Variants in ASMT observed in about 807,000 individuals in gnomAD.
ASMT encodes acetylserotonin N-methyltransferase.
In ASMT, 53 loss-of-function variants were observed where a neutral mutation model predicts 41.3. That is an observed-to-expected ratio of 1.28 (90% CI 1.03 to 1.61). The LOEUF is 1.61. ASMT is among the 40% of genes most tolerant of loss of function. The pLI, the probability that ASMT is intolerant of heterozygous loss-of-function variation, is 0.00. For missense variants in ASMT, 531 were observed against 441.3 expected (o/e 1.20, Z -1.82); for synonymous variants, 231 against 184.8 (o/e 1.25, Z -2.03).
At chrX:1,630,872 T>TTTA (rs1934747692) in intron 5 of ASMT, among the ~76,000 whole-genome samples, 1 of 6,128 alleles carries the variant, frequency 1.6e-4, no homozygotes, top group Non-Finnish European at 1.0e-3. Context: ...CTGAGCTTGT[T>TTTA]TTATTTATTT....
In ASMT at chrX:1,623,207, G is replaced by A; in HGVS notation, c.138G>A (p.Val46=). 3.7e-6 allele frequency: 6 copies of A among 1,613,504 alleles called. No homozygotes were observed. Among genetic ancestry groups the A allele is most frequent in the African/African-American group, 1.3e-5 (1 of 75,028 alleles). Residue 46 remains valine (V), a synonymous_variant, in exon 2 of 9, where the codon GTG becomes GTA. Coordinates refer to ENST00000381241, the MANE Select transcript of ASMT (RefSeq NM_001171038.2). ...CCGAGGCCCCAGGGCCCCTGGACGT[G>A]GCGGCAGTGGCTGCAGGTGTGAGGG... ...LLAEAPGPLD[V]AAVAAGVRAS... is the part of the protein sequence containing the mutation.
chrX:1,616,748 G>C (rs190405979), intron 1 of ASMT, among the ~76,000 whole-genome samples: 2 of 149,796 alleles, frequency 1.3e-5, no homozygotes, highest in Non-Finnish European at 3.0e-5. Flanking sequence ...TCGCTCTGTC[G>C]CCCAGGCTGG....
chrX:1,616,264 A>G (rs1305667567), intron 1 of ASMT, among the ~76,000 whole-genome samples: 10 of 150,204 alleles, frequency 6.7e-5, no homozygotes, highest in Admixed American at 2.6e-4. Context: ...CCTGACCTCA[A>G]GTGATTCACC....
At chrX:1,623,419 AC>A (rs1359822173) in intron 2 of ASMT, 106 bp downstream of exon 2, 59 of 1,401,416 alleles carry the variant, frequency 4.2e-5, no homozygotes, top group East Asian at 1.7e-4. Context: ...ACACAGTGAA[AC>A]CCCGTCTCTA....
In ASMT at chrX:1,634,661, C is replaced by CT. The variant is rs1169472157; in HGVS notation, c.787+1371_787+1372insT. 2.7e-3 allele frequency among the ~76,000 whole-genome samples: 411 copies of CT among 150,588 alleles called. 3 individuals are homozygous for CT. Among genetic ancestry groups the CT allele is most frequent in the Non-Finnish European group, 4.1e-3 (280 of 67,620 alleles). ...ACAGGCCTGCTGAGTTAACCCCCCCCCTTTTTTTTTCTTGTTTTTTTGAGA... is the reference window on the plus strand; with the variant it reads ...ACAGGCCTGCTGAGTTAACCCCCCCCTCTTTTTTTTTCTTGTTTTTTTGAGA... On this transcript the variant is annotated intron_variant, in intron 7 of 8. Coordinates refer to ENST00000381241, the MANE Select transcript of ASMT (RefSeq NM_001171038.2).
At chrX:1,642,739 G>GA (rs1780712361) in intron 8 of ASMT, 64 bp from the exon 9 acceptor site, 1 of 1,495,530 alleles carries the variant, frequency 6.7e-7, no homozygotes, top group Non-Finnish European at 9.3e-7. Context: ...ATGGTTCACT[G>GA]GGACTTTGGC....
intron 8 of ASMT, 199 bp downstream of exon 8, chrX:1,636,759 GA>G (rs1934981450): frequency 6.1e-6 from 2 of 326,370 alleles, no homozygotes; most frequent in Non-Finnish European, 8.8e-6. Context: ...CATAAAGATG[GA>G]AAAAGTGAAA....
chrX:1,633,059 T>A lies in ASMT; in HGVS notation c.647-91T>A, dbSNP rs1934836630. On this transcript the variant is annotated intron_variant, in intron 6 of 8. Transcript: ENST00000381241. ...TGGCGGAAGGACCCAAGTTCCTGGG[T>A]TGGACCCTTCATGAGTCCATGGTGT... 5.3e-6 allele frequency: 8 copies of A among 1,497,490 alleles called. No homozygotes were observed. The East Asian group carries it at 1.6e-4, about 30-fold the overall frequency. The allele number at this position is 1,497,490 out of a possible 1,614,324, so 92.8% of individuals were successfully genotyped here.
intron 4 of ASMT, among the ~76,000 whole-genome samples, chrX:1,628,592 C>T (rs1331308193): frequency 6.6e-6 from 1 of 151,296 alleles, no homozygotes; most frequent in Non-Finnish European, 1.5e-5. Context: ...CCTCTCCTCC[C>T]CTGCTCTCCC....
In ASMT at chrX:1,627,716, C is replaced by A. The variant is rs1406062671; in HGVS notation, c.388C>A (p.Gln130Lys). ...LADAVREGRN[Q>K]YLETFGVPAE... ...CTCTTTTCTTAGAGAAGGAAGGAAC[C>A]AGTACCTGGAGACGTTTGGCGTTCC... The change falls in exon 4 of 9, where the codon CAG becomes AAG. Residue 130 changes from glutamine (Q) to lysine (K), a missense_variant. Physicochemically the swap from Gln to Lys is moderately conservative, Grantham distance 53. Transcript: ENST00000381241. 1 of 1,613,794 alleles carries A rather than the reference C, an allele frequency of 6.2e-7. No individual in the cohort carries two copies. The highest frequency in any genetic ancestry group is 8.5e-7 in the Non-Finnish European group (1 of 1,179,734).
intron 1 of ASMT, among the ~76,000 whole-genome samples, chrX:1,620,463 T>G (rs1934299969): frequency 6.6e-6 from 1 of 151,892 alleles, no homozygotes; most frequent in Non-Finnish European, 1.5e-5. Flanking sequence ...CCACTGCACC[T>G]GGCCTAATAT....
In ASMT at chrX:1,636,567, TG is replaced by T. The variant is rs11346829; in HGVS notation, c.910+8del. ...TACCACACTTGCAAGCCAGGTAAGT[TG>T]TGGGGTTTGCATTTCAGCGTGTGCT... is the stretch of plus-strand genomic sequence containing the variant. On this transcript the variant is annotated splice_region_variant and intron_variant, in intron 8 of 8. Coordinates refer to ENST00000381241, the MANE Select transcript of ASMT (RefSeq NM_001171038.2). 0.13 allele frequency: 210,726 copies of T among 1,613,694 alleles called. 14,561 individuals are homozygous for T. The highest frequency in any genetic ancestry group is 0.21 in the African/African-American group (16,056 of 74,968).
rs373088789 is a variant in ASMT, at chrX:1,615,230, C to T, written c.31C>T (p.Leu11Phe). The part of the protein sequence containing the change: MGSSEDQAYR[L>F]LNDYANGFMV... ...ATCCTCAGAGGACCAGGCCTATCGCCTCCTTAATGACTACGCCAACGGCTT... is the reference window on the plus strand; with the variant it reads ...ATCCTCAGAGGACCAGGCCTATCGCTTCCTTAATGACTACGCCAACGGCTT... Residue 11 changes from leucine to phenylalanine, a missense_variant, in exon 1 of 9, where the codon CTC (leucine) becomes TTC (phenylalanine). Coordinates refer to ENST00000381241, the MANE Select transcript of ASMT (RefSeq NM_001171038.2). 132 of 1,598,880 alleles carry T rather than the reference C, an allele frequency of 8.3e-5. No homozygotes were observed. Among genetic ancestry groups the T allele is most frequent in the Non-Finnish European group, 1.0e-4 (122 of 1,172,932 alleles).
intron 8 of ASMT, among the ~76,000 whole-genome samples, chrX:1,641,419 G>A (rs1313265841): frequency 1.4e-5 from 2 of 146,406 alleles, no homozygotes; most frequent in African/African-American, 5.0e-5. Context: ...GGTCCATGAG[G>A]ATGTGGACAC....
At chrX:1,626,280 G>T (rs1342562113) in intron 3 of ASMT, among the ~76,000 whole-genome samples, 2 of 147,332 alleles carry the variant, frequency 1.4e-5, no homozygotes, top group Non-Finnish European at 3.0e-5. Flanking sequence ...TGTTGCCCAG[G>T]CTGGAGTGCA....
At position 1,637,295 on chromosome X, in the gene ASMT, G is replaced by C. The variant is rs751226481; in HGVS notation, c.910+735G>C. ...CCTGTGAGATCCATCCCTCCTGATG[G>C]TTCATGAGGATGTGGGCACAGCCTC... On this transcript the variant is annotated intron_variant, in intron 8 of 8. Coordinates refer to ENST00000381241, the MANE Select transcript of ASMT (RefSeq NM_001171038.2). 2.5e-3 allele frequency among the ~76,000 whole-genome samples: 8 copies of C among 3,200 alleles called. 2 individuals are homozygous for C. Among genetic ancestry groups the C allele is most frequent in the African/African-American group, 5.2e-3 (5 of 966 alleles). The allele number at this position is 3,200 out of a possible 152,430, so 2.1% of individuals were successfully genotyped here.
intron 8 of ASMT, among the ~76,000 whole-genome samples, chrX:1,640,532 G>A (rs1935107811): frequency 1.7e-5 from 1 of 58,974 alleles, no homozygotes; most frequent in African/African-American, 1.2e-4. Flanking sequence ...CACAGCCTCT[G>A]TGTATGATGG....
intron 7 of ASMT, among the ~76,000 whole-genome samples, chrX:1,635,437 G>A (rs1301816718): frequency 6.6e-6 from 1 of 152,136 alleles, no homozygotes; most frequent in Admixed American, 6.6e-5. Flanking sequence ...CTGGAGAACA[G>A]GTCTTGACTG....
At chrX:1,633,053 C>G in intron 6 of ASMT, 97 bp from the exon 7 acceptor site, 3 of 1,452,300 alleles carry the variant, frequency 2.1e-6, no homozygotes, top group South Asian at 2.3e-5. Context: ...GACCCAAGTT[C>G]CTGGGTTGGA....
Sources: gnomAD v4.1 joint callset for allele counts (sites outside exome capture counted in the v4.1 genomes callset) on GRCh38, gnomAD v4.1.1 for gene constraint, MANE v1.5 for transcripts, NCBI Gene and HGNC (gene_info 2026-07-23, HGNC 2026-07-21) for gene names.